Variants in HPSE2 observed in about 807,000 individuals in gnomAD.
HPSE2 encodes the protein inactive heparanase-2.
A neutral mutation model predicts 60.5 loss-of-function variants in HPSE2; 38 were observed. The observed-to-expected ratio is 0.63, with a 90% CI of 0.48 to 0.82. The LOEUF is 0.82. Among genes scored for constraint, HPSE2 ranks in the 40% least tolerant of loss-of-function variants. The pLI, the probability that HPSE2 is intolerant of heterozygous loss-of-function variation, is 0.00. For synonymous variants in HPSE2, 295 were observed against 293.2 expected (o/e 1.01, Z -0.06); for missense variants, 713 against 740.4 (o/e 0.96, Z 0.43).
Position 98,669,952 on chromosome 10 carries a change from CA to C in HPSE2, c.1004+23947del, listed in dbSNP as rs199893992. Among the ~76,000 whole-genome samples, 793 of 152,182 alleles carry C rather than the reference CA, an allele frequency of 5.2e-3. 6 individuals carry two copies. Among genetic ancestry groups the C allele is most frequent in the Non-Finnish European group, 6.3e-3 (429 of 68,000 alleles). ...ATGGGGAGAAAAGATTGCTCTTTTA[CA>C]AAAGGAGGCCAGGAAAGGCCACTTT... On this transcript the variant is annotated intron_variant, in intron 6 of 11. Coordinates refer to ENST00000370552, the MANE Select transcript of HPSE2 (RefSeq NM_021828.5).
In HPSE2 at chr10:99,208,612, C is replaced by T. The variant is rs191354031; in HGVS notation, c.448+23736G>A. The stretch of plus-strand genomic sequence containing the variant: ...TGAGGTGGGAGGATCACCAACCCAG[C>T]AGGTCGAGGCTGCAGTCAGCCATGA... On this transcript the variant is annotated intron_variant, in intron 2 of 11. Coordinates refer to ENST00000370552, the MANE Select transcript of HPSE2 (RefSeq NM_021828.5). Among the ~76,000 whole-genome samples the T allele has an allele frequency of 2.1e-3, 312 of 151,210 alleles. 1 individual carries two copies. The highest frequency in any genetic ancestry group is 2.2e-3 in the Non-Finnish European group (151 of 67,834).
intron 3 of HPSE2, among the ~76,000 whole-genome samples, chr10:98,776,746 T>C (rs957450452): frequency 6.6e-6 from 1 of 151,322 alleles, no homozygotes; most frequent in African/African-American, 2.4e-5. Context: ...TGGGTGGGAA[T>C]AGCCAGCATA....
At chr10:98,707,991 A>G in intron 5 of HPSE2, among the ~76,000 whole-genome samples, 1 of 152,284 alleles carries the variant, frequency 6.6e-6, no homozygotes. Flanking sequence ...TTAAAAAACT[A>G]TATAAGAATT....
intron 3 of HPSE2, among the ~76,000 whole-genome samples, chr10:98,810,968 T>C (rs1180329595): frequency 6.6e-6 from 1 of 152,064 alleles, no homozygotes; most frequent in Non-Finnish European, 1.5e-5. Flanking sequence ...TTTTACCAAA[T>C]ATATGCTACA....
the HPSE2 span, among the ~76,000 whole-genome samples, chr10:99,303,482 A>G: frequency 2.0e-5 from 3 of 152,288 alleles, no homozygotes; most frequent in Non-Finnish European, 4.4e-5. Flanking sequence ...TCGACCAGGA[A>G]ACTTAGTCCC....
intron 2 of HPSE2, among the ~76,000 whole-genome samples, chr10:99,210,764 T>C (rs1848926458): frequency 6.6e-6 from 1 of 152,120 alleles, no homozygotes; most frequent in Non-Finnish European, 1.5e-5. Flanking sequence ...ATAGAAGGAA[T>C]GTACCACCAC....
At chr10:99,207,866 C>T (rs1357741916) in intron 2 of HPSE2, among the ~76,000 whole-genome samples, 2 of 151,854 alleles carry the variant, frequency 1.3e-5, no homozygotes, top group Non-Finnish European at 2.9e-5. Context: ...TGAAACCACA[C>T]ATAGTACCAA....
chr10:99,153,394 G>A (rs895578349), intron 2 of HPSE2, among the ~76,000 whole-genome samples: 1 of 152,224 alleles, frequency 6.6e-6, no homozygotes, highest in African/African-American at 2.4e-5. Context: ...CCAGCAGGCA[G>A]GTAGAGATCT....
chr10:98,564,472 T>A (rs1944281307), intron 9 of HPSE2, among the ~76,000 whole-genome samples: 1 of 152,196 alleles, frequency 6.6e-6, no homozygotes, highest in African/African-American at 2.4e-5. Context: ...TCTTTCAAAT[T>A]TTTAGTTGTC....
At chr10:99,232,622 C>G in intron 1 of HPSE2, 117 bp from the exon 2 acceptor site, 1 of 1,179,198 alleles carries the variant, frequency 8.5e-7, no homozygotes, top group Middle Eastern at 2.7e-4. Context: ...GCTAGAGGCT[C>G]TGTGCCTGCC....
chr10:99,270,954 C>T, the HPSE2 span, among the ~76,000 whole-genome samples: 10 of 152,072 alleles, frequency 6.6e-5, no homozygotes, highest in African/African-American at 2.2e-4. Context: ...GATTAAAACC[C>T]TCAACAAAAT....
chr10:98,507,238 G>C (rs940251630), intron 9 of HPSE2, among the ~76,000 whole-genome samples: 1 of 152,144 alleles, frequency 6.6e-6, no homozygotes, highest in African/African-American at 2.4e-5. Context: ...TTTTGGGGTG[G>C]AGTGGTGGAT....
At chr10:99,115,397 G>T (rs570890933) in intron 3 of HPSE2, among the ~76,000 whole-genome samples, 1 of 151,750 alleles carries the variant, frequency 6.6e-6, no homozygotes, top group Admixed American at 6.6e-5. Context: ...CTCGTGATCC[G>T]CCCGCCTTGG....
At chr10:98,511,554 T>TGG (rs1942396675) in intron 9 of HPSE2, among the ~76,000 whole-genome samples, 1 of 99,800 alleles carries the variant, frequency 1.0e-5, no homozygotes, top group Non-Finnish European at 2.2e-5. Flanking sequence ...AACATAACTA[T>TGG]GGTGTGTGTG....
At chr10:98,770,380 A>C (rs1424572166) in intron 3 of HPSE2, among the ~76,000 whole-genome samples, 1 of 152,158 alleles carries the variant, frequency 6.6e-6, no homozygotes, top group African/African-American at 2.4e-5. Context: ...ATGAAAATGC[A>C]CCACTCACAT....
intron 3 of HPSE2, among the ~76,000 whole-genome samples, chr10:98,844,927 A>C (rs544860271): frequency 8.7e-4 from 133 of 152,318 alleles, no homozygotes; most frequent in Non-Finnish European, 1.3e-3. Context: ...GCGCTCTTCC[A>C]TTAGCAAATT....
chr10:98,545,791 A>C (rs1220307732), intron 9 of HPSE2, among the ~76,000 whole-genome samples: 3 of 151,278 alleles, frequency 2.0e-5, no homozygotes, highest in Admixed American at 2.0e-4. Context: ...TAGTGTTGGA[A>C]GTTCTGGCCA....
chr10:98,845,745 G>A lies in HPSE2; in HGVS notation c.611-101689C>T, dbSNP rs528977590. Among the ~76,000 whole-genome samples, 4 of 152,234 alleles carry A rather than the reference G, an allele frequency of 2.6e-5. No individual in the cohort carries two copies. The South Asian group carries it at 8.3e-4, about 32-fold the overall frequency. On this transcript the variant is annotated intron_variant, in intron 3 of 11. Transcript: ENST00000370552. ...GAGCAGGCTGGACAGGGGACTTCCC[G>A]TCTACTCTCCAGTGTGTCCTGACCA... is the stretch of plus-strand genomic sequence containing the variant.
In HPSE2 at chr10:98,804,431, C is replaced by T. The variant is rs144121177; in HGVS notation, c.611-60375G>A. Reference sequence around the variant, plus strand: ...TATATAAGGAACCCAAACAACTCTACAGGAAAAAATCTAAAAATTTAATTT... The same window carrying T: ...TATATAAGGAACCCAAACAACTCTATAGGAAAAAATCTAAAAATTTAATTT... On this transcript the variant is annotated intron_variant, in intron 3 of 11. Coordinates refer to ENST00000370552, the MANE Select transcript of HPSE2 (RefSeq NM_021828.5). Among the ~76,000 whole-genome samples, 334 of 151,932 alleles carry T rather than the reference C, an allele frequency of 2.2e-3. 1 individual carries two copies. The highest frequency in any genetic ancestry group is 7.5e-3 in the African/African-American group (310 of 41,442).
Sources: allele counts gnomAD v4.1 joint callset (sites outside exome capture counted in the v4.1 genomes callset), GRCh38; gene constraint gnomAD v4.1.1; transcripts MANE v1.5; gene names NCBI Gene and HGNC (gene_info 2026-07-23, HGNC 2026-07-21).